Variants in USP42 observed in about 807,000 individuals in gnomAD.
The protein encoded by USP42 is ubiquitin specific peptidase 42, also known as ubiquitin carboxyl-terminal hydrolase 42.
Under a neutral mutation model 113.0 loss-of-function variants are expected in USP42, and 23 were observed. That is an observed-to-expected ratio of 0.20 (90% CI 0.15 to 0.29). The LOEUF (loss-of-function observed/expected upper bound fraction) is 0.29. Among genes scored for constraint, USP42 ranks in the 10% least tolerant of loss-of-function variants. The pLI is 1.00. For synonymous variants in USP42, 933 were observed against 699.0 expected, an observed-to-expected ratio of 1.33 and a Z score of -5.28; for missense variants, 2,174 against 1,779.8, an observed-to-expected ratio of 1.22 and a Z score of -3.99.
At chr7:6,114,310 C>T (rs1779757567) in intron 2 of USP42, among the ~76,000 whole-genome samples, 1 of 152,010 alleles carries the variant, frequency 6.6e-6, no homozygotes, top group African/African-American at 2.4e-5. Context: ...TCAAATGTAT[C>T]TCATTTTTTC....
chr7:6,116,796 C>G (rs775068505), intron 3 of USP42: 7 of 533,172 alleles, frequency 1.3e-5, no homozygotes, highest in Non-Finnish European at 1.9e-5. Flanking sequence ...CTTTCTCAGT[C>G]CATAATTCAT....
chr7:6,135,938 C>G lies in USP42; in HGVS notation c.540C>G (p.Ile180Met). ...ACGTTATTAAACCAATGTTTGTCAT[C>G]AATGAGATGCGGCGTAAGTATTAAC... ...PGDVIKPMFV[I>M]NEMRRIARHF... Residue 180 changes from isoleucine to methionine, a missense_variant, in exon 4 of 18, where the codon ATC (isoleucine) becomes ATG (methionine). Physicochemically the swap from Ile to Met is conservative, Grantham distance 10 (BLOSUM62 1). Transcript: ENST00000306177. 2 of 1,590,726 alleles carry G rather than the reference C, an allele frequency of 1.3e-6. No homozygotes were observed. Among genetic ancestry groups the G allele is most frequent in the Non-Finnish European group, 1.7e-6 (2 of 1,165,616 alleles).
At chr7:6,126,601 C>G (rs1583616262) in intron 3 of USP42, among the ~76,000 whole-genome samples, 1 of 152,204 alleles carries the variant, frequency 6.6e-6, no homozygotes, top group South Asian at 2.1e-4. Flanking sequence ...GCCACAGTTT[C>G]TTTAACTACT....
Position 6,149,736 on chromosome 7 carries a change from C to G in USP42, c.1540C>G (p.Pro514Ala). The change falls in exon 13 of 18, where the codon CCA (proline) becomes GCA (alanine). Residue 514 changes from proline to alanine, a missense_variant. By Grantham distance (27) the Pro-to-Ala change is conservative (BLOSUM62 -1). Transcript: ENST00000306177. ...NWSVNRSSVI[P>A]EHPKKQKITI... is the part of the protein sequence containing the mutation. ...GTCAGTTAATAGGTCCTCAGTGATC[C>G]CAGAACATCCTAAGAAACAAAAAAT... is the stretch of plus-strand genomic sequence containing the variant. 1 of 1,613,912 alleles carries G rather than the reference C, an allele frequency of 6.2e-7. No individual in the cohort carries two copies. The highest frequency in any genetic ancestry group is 8.5e-7 in the Non-Finnish European group (1 of 1,179,872).
At chr7:6,097,182 C>T in the USP42 span, among the ~76,000 whole-genome samples, 1 of 151,056 alleles carries the variant, frequency 6.6e-6, no homozygotes, top group Non-Finnish European at 1.5e-5. Context: ...ATGACAGCCA[C>T]CTCGGGGTAC....
At position 6,111,202 on chromosome 7, in the gene USP42, C is replaced by T. The variant is rs756028475; in HGVS notation, c.69C>T (p.Ser23=). The T allele has an allele frequency of 6.8e-6, 11 of 1,611,600 alleles. No homozygotes were observed. The highest frequency in any genetic ancestry group is 1.6e-4 in the Middle Eastern group (1 of 6,080). ...PSAYQNQPGS[S]EAVSPGDMDA... The stretch of plus-strand genomic sequence containing the variant: ...CCTATCAGAATCAGCCTGGCAGCTC[C>T]GAGGCAGTCTCACCTGGAGACATGG... Residue 23 remains serine (S), a synonymous_variant, in exon 2 of 18, where the codon TCC becomes TCT. Transcript: ENST00000306177.
At chr7:6,115,550 T>C in intron 3 of USP42, 27 bp downstream of exon 3, 4 of 1,611,404 alleles carry the variant, frequency 2.5e-6, no homozygotes, top group Non-Finnish European at 3.4e-6. Context: ...GTGTTTGTAG[T>C]ATTGTAGTGC....
upstream of USP42, among the ~76,000 whole-genome samples, chr7:6,103,853 A>G (rs1026768060): frequency 1.3e-5 from 2 of 151,070 alleles, no homozygotes; most frequent in African/African-American, 4.9e-5. Flanking sequence ...CAGGAATCTT[A>G]GACCTGCCCG....
At position 6,154,222 on chromosome 7, in the gene USP42, T is replaced by C. The variant is rs770882227; in HGVS notation, c.2668T>C (p.Leu890=). The change falls in exon 15 of 18, where the codon TTG becomes CTG. Residue 890 remains leucine, a synonymous_variant. Transcript: ENST00000306177. Reference sequence around the variant, plus strand: ...GGACGCTCAGGACCCATCCCAGAGCTTGGGCGCACCCGAGGCCGCAGAGCG... The same window carrying C: ...GGACGCTCAGGACCCATCCCAGAGCCTGGGCGCACCCGAGGCCGCAGAGCG... ...ARDAQDPSQS[L]GAPEAAERPP... is the part of the protein sequence containing the mutation. 4 of 1,606,970 alleles carry C rather than the reference T, an allele frequency of 2.5e-6. No homozygotes were observed. The highest frequency in any genetic ancestry group is 3.4e-6 in the Non-Finnish European group (4 of 1,178,922).
At position 6,158,142 on chromosome 7, in the gene USP42, A is replaced by G. The variant is rs368176761; in HGVS notation, c.3943+1087A>G. Among the ~76,000 whole-genome samples, 634 of 152,352 alleles carry G rather than the reference A, an allele frequency of 4.2e-3. 3 individuals carry two copies. Among genetic ancestry groups the G allele is most frequent in the African/African-American group, 0.015 (605 of 41,594 alleles). On this transcript the variant is annotated intron_variant, in intron 16 of 17. Transcript: ENST00000306177. The surrounding 1 kb of genome is among the most constrained non-coding windows in gnomAD (Gnocchi z 4.2). ...AATCCCAAAGAACAATGCGTTTCAC[A>G]TGAAAATGATGTGAAATTCAGACCT...
chr7:6,090,184 C>A, the USP42 span, among the ~76,000 whole-genome samples: 1 of 148,010 alleles, frequency 6.8e-6, no homozygotes, highest in African/African-American at 2.6e-5. Context: ...CCTGTAATCC[C>A]AGCTACTCGG....
chr7:6,095,067 T>A, the USP42 span, among the ~76,000 whole-genome samples: 2 of 151,220 alleles, frequency 1.3e-5, no homozygotes, highest in Non-Finnish European at 2.9e-5. Flanking sequence ...GCATTATAGG[T>A]GTGAGCCACC....
At chr7:6,153,331 A>C (rs1782183949) in intron 14 of USP42, among the ~76,000 whole-genome samples, 1 of 152,066 alleles carries the variant, frequency 6.6e-6, no homozygotes, top group African/African-American at 2.4e-5. Context: ...AATTGGAAGA[A>C]CTAGAGGGAT....
chr7:6,136,496 T>C (rs1781160652), intron 4 of USP42, among the ~76,000 whole-genome samples: 1 of 152,216 alleles, frequency 6.6e-6, no homozygotes, highest in African/African-American at 2.4e-5. Flanking sequence ...CAATTTAATA[T>C]AACAAATTTT....
intron 6 of USP42, 36 bp from the exon 7 acceptor site, chr7:6,140,878 A>G: frequency 8.4e-7 from 1 of 1,189,286 alleles, no homozygotes. Flanking sequence ...TAATGATTAT[A>G]CTTTGCTCAT....
chr7:6,092,826 C>A, the USP42 span, among the ~76,000 whole-genome samples: 2 of 151,290 alleles, frequency 1.3e-5, no homozygotes, highest in East Asian at 1.9e-4. Context: ...TTAAATATAT[C>A]CCTCCTTGAA....
At chr7:6,153,638 A>G in intron 14 of USP42, 118 bp from the exon 15 acceptor site, 1 of 1,255,022 alleles carries the variant, frequency 8.0e-7, no homozygotes, top group South Asian at 2.2e-5. Flanking sequence ...TATAATAATA[A>G]TAAAATAAAG....
intron 9 of USP42, 89 bp downstream of exon 9, chr7:6,144,285 T>C (rs1781583867): frequency 3.6e-6 from 3 of 841,498 alleles, no homozygotes; most frequent in Non-Finnish European, 3.6e-6. Context: ...GGACTCGACT[T>C]TCTCATGACA....
intron 4 of USP42, among the ~76,000 whole-genome samples, chr7:6,138,653 G>A (rs1781283687): frequency 6.6e-6 from 1 of 152,206 alleles, no homozygotes; most frequent in Admixed American, 6.5e-5. Context: ...GGGCTGCACA[G>A]CAGGAGGTGA....
Sources: allele counts gnomAD v4.1 joint callset (sites outside exome capture counted in the v4.1 genomes callset), GRCh38; gene constraint gnomAD v4.1.1; non-coding constraint Gnocchi (gnomAD v3.1); transcripts MANE v1.5; gene names NCBI Gene and HGNC (gene_info 2026-07-23, HGNC 2026-07-21).